SLC38A6: variants seen among roughly 807,000 people sequenced by gnomAD.
The protein encoded by SLC38A6 is solute carrier family 38 member 6.
SLC38A6 carries 73 observed loss-of-function variants against 65.0 expected under a neutral mutation model. The ratio of observed to expected loss-of-function variants is 1.12; its 90% CI spans 0.93 to 1.37. The LOEUF is 1.37. Among genes scored for constraint, SLC38A6 ranks in the 40% most tolerant of loss-of-function variants. The probability of loss-of-function intolerance (pLI) is 0.00; values close to 1 mark genes in which losing one functional copy is unlikely to be tolerated. For missense variants in SLC38A6, 561 were observed against 531.1 expected (o/e 1.06, Z -0.55); for synonymous variants, 183 against 178.8 (o/e 1.02, Z -0.19).
chr14:61,075,248 T>G (rs1215619455), intron 15 of SLC38A6, among the ~76,000 whole-genome samples: 1 of 152,122 alleles, frequency 6.6e-6, no homozygotes, highest in Non-Finnish European at 1.5e-5. Context: ...ACTAATAAAG[T>G]CAGTAGACAC....
At chr14:61,004,081 A>C (rs929618925) in intron 3 of SLC38A6, among the ~76,000 whole-genome samples, 21 of 152,268 alleles carry the variant, frequency 1.4e-4, no homozygotes, top group African/African-American at 5.1e-4. Flanking sequence ...TTAAACTGTT[A>C]GTTTGATTAC....
Position 61,037,797 on chromosome 14 carries a change from C to G in SLC38A6, c.624+114C>G, listed in dbSNP as rs2041506345. ...GGGAAGGGTATCTCATTTTATTTCA[C>G]TGTGTTATTAAAAGCACTTTTGTTC... On this transcript the variant is annotated intron_variant, in intron 8 of 15. Coordinates refer to ENST00000267488, the MANE Select transcript of SLC38A6 (RefSeq NM_153811.3). The G allele has an allele frequency of 1.4e-5, 9 of 659,664 alleles. No individual in the cohort carries two copies. The South Asian group carries it at 2.1e-4, about 15-fold the overall frequency. The allele number at this position is 659,664 out of a possible 1,614,324, so 40.9% of individuals were successfully genotyped here. A position where few individuals can be genotyped will look rare whatever the true frequency, so the allele number is the denominator to read the frequency against.
chr14:60,982,198 C>T lies in SLC38A6; in HGVS notation c.106-310C>T, dbSNP rs1297758117. On this transcript the variant is annotated intron_variant, in intron 1 of 15. Transcript: ENST00000267488. ...AGCTGAGGCCTTATCCCTCCTCTCT[C>T]TCCCCACTCCATTCCCATCCTATCT... The T allele has an allele frequency of 6.3e-6, 3 of 477,980 alleles. No individual in the cohort carries two copies. In the East Asian group the frequency reaches 1.9e-4, roughly 30 times the overall value. 29.6% of individuals were successfully genotyped at this position (477,980 alleles called of 1,614,324 possible).
intron 15 of SLC38A6, among the ~76,000 whole-genome samples, chr14:61,069,914 G>C (rs1407709682): frequency 6.6e-6 from 1 of 152,044 alleles, no homozygotes; most frequent in Non-Finnish European, 1.5e-5. Flanking sequence ...CTCTCTTAGA[G>C]AGAGAGAGAG....
At chr14:61,035,675 G>T (rs1490448017) in intron 6 of SLC38A6, among the ~76,000 whole-genome samples, 1 of 152,062 alleles carries the variant, frequency 6.6e-6, no homozygotes, top group African/African-American at 2.4e-5. Context: ...TACTAATTTT[G>T]CTAGATTAAT....
intron 15 of SLC38A6, chr14:61,074,010 A>C (rs1477264392): frequency 2.0e-5 from 3 of 152,200 alleles, no homozygotes; most frequent in African/African-American, 7.2e-5. Flanking sequence ...ACTTTATTGT[A>C]AGAAAATAGT....
intron 3 of SLC38A6, among the ~76,000 whole-genome samples, chr14:60,998,711 G>C (rs981934657): frequency 2.0e-5 from 3 of 152,210 alleles, no homozygotes; most frequent in Non-Finnish European, 4.4e-5. Context: ...AGGAGTTGCA[G>C]GCATGTATTC....
rs190298004 is a variant in SLC38A6 at position 61,043,575 on chromosome 14, G to T, written c.744+72G>T. The T allele has an allele frequency of 8.4e-6, 9 of 1,066,470 alleles. No individual in the cohort carries two copies. In the African/African-American group the frequency reaches 9.6e-5, roughly 11 times the overall value. 66.1% of individuals were successfully genotyped at this position (1,066,470 alleles called of 1,614,324 possible). A position where few individuals can be genotyped will look rare whatever the true frequency, so the allele number is the denominator to read the frequency against. ...AAGTTTTAAGAGGTTTGTGTAACAGGGTCTCTTAGGTCTTTGTACCTGTGA... is the reference window on the plus strand; with the variant it reads ...AAGTTTTAAGAGGTTTGTGTAACAGTGTCTCTTAGGTCTTTGTACCTGTGA... On this transcript the variant is annotated intron_variant, in intron 10 of 15. Coordinates refer to ENST00000267488, the MANE Select transcript of SLC38A6 (RefSeq NM_153811.3).
At chr14:60,982,230 C>G (rs1263148478) in intron 1 of SLC38A6, 2 of 502,214 alleles carry the variant, frequency 4.0e-6, no homozygotes, top group Admixed American at 2.3e-5. Flanking sequence ...ATCTTCATCT[C>G]TTGCAGTCAC....
exon 16 of SLC38A6, chr14:61,078,915 G>T (rs557558786): frequency 1.2e-4 from 21 of 176,636 alleles, no homozygotes; most frequent in Non-Finnish European, 2.1e-4. Flanking sequence ...CTCCAGAGTA[G>T]CTGAGACTAC....
At chr14:61,010,864 G>T in intron 3 of SLC38A6, among the ~76,000 whole-genome samples, 1 of 152,098 alleles carries the variant, frequency 6.6e-6, no homozygotes, top group South Asian at 2.1e-4. Flanking sequence ...TTGGCAATGC[G>T]GGCTCTTTTT....
At chr14:61,026,036 G>A (rs944691220) in intron 5 of SLC38A6, among the ~76,000 whole-genome samples, 2 of 152,098 alleles carry the variant, frequency 1.3e-5, no homozygotes, top group Non-Finnish European at 2.9e-5. Context: ...TTTAAAAATA[G>A]CTGTAAGTAA....
At position 60,981,300 on chromosome 14, in the gene SLC38A6, T is replaced by A; in HGVS notation, c.23T>A (p.Phe8Tyr). 6.2e-7 allele frequency: 1 copy of A among 1,608,976 alleles called. No individual in the cohort carries two copies. The stretch of plus-strand genomic sequence containing the variant: ...AGCATGGAGGCGTCCTGGGGGAGCT[T>A]CAACGCTGAGCGGGGCTGGTATGTC... MEASWGS[F>Y]NAERGWYVSV... Residue 8 changes from phenylalanine to tyrosine, a missense_variant, in exon 1 of 16, where the codon TTC (phenylalanine) becomes TAC (tyrosine). Transcript: ENST00000267488.
At chr14:60,992,768 C>A (rs1341128511) in intron 3 of SLC38A6, among the ~76,000 whole-genome samples, 1 of 151,872 alleles carries the variant, frequency 6.6e-6, no homozygotes, top group Admixed American at 6.6e-5. Flanking sequence ...CAAACCGCAA[C>A]CTCCGCCTCC....
chr14:61,010,029 C>G (rs1035146835), intron 3 of SLC38A6, among the ~76,000 whole-genome samples: 1 of 152,190 alleles, frequency 6.6e-6, no homozygotes, highest in Non-Finnish European at 1.5e-5. Flanking sequence ...TTTTCCACAT[C>G]CTCTCCAGCA....
At chr14:61,045,459 T>C (rs769444729) in intron 11 of SLC38A6, 34 bp downstream of exon 11, 1 of 1,500,746 alleles carries the variant, frequency 6.7e-7, no homozygotes. Flanking sequence ...TTAAATATAT[T>C]GTGTATCTTT....
intron 6 of SLC38A6, among the ~76,000 whole-genome samples, chr14:61,031,342 A>C (rs2040976029): frequency 6.6e-6 from 1 of 152,166 alleles, no homozygotes; most frequent in Non-Finnish European, 1.5e-5. Context: ...TGCTTCAATA[A>C]TTGAACTTGT....
chr14:61,054,825 T>G (rs2042651131), downstream of SLC38A6, among the ~76,000 whole-genome samples: 1 of 152,190 alleles, frequency 6.6e-6, no homozygotes, highest in Admixed American at 6.5e-5. Flanking sequence ...TTTGACTTCC[T>G]CTCTTCCTAT....
At chr14:61,077,379 A>C (rs2043458799) in intron 15 of SLC38A6, among the ~76,000 whole-genome samples, 1 of 152,210 alleles carries the variant, frequency 6.6e-6, no homozygotes, top group South Asian at 2.1e-4. Flanking sequence ...TTGATGACCT[A>C]GTTGACTCTT....
Sources: allele counts gnomAD v4.1 joint callset (sites outside exome capture counted in the v4.1 genomes callset), GRCh38; gene constraint gnomAD v4.1.1; transcripts MANE v1.5; gene names NCBI Gene and HGNC (gene_info 2026-07-23, HGNC 2026-07-21).